The following DIAPH3 variants were observed in gnomAD, a reference collection of about 807,000 sequenced individuals.
DIAPH3 encodes the protein diaphanous related formin 3, also known as protein diaphanous homolog 3.
Under a neutral mutation model 144.3 loss-of-function variants are expected in DIAPH3, and 117 were observed. That is an observed-to-expected ratio of 0.81 (90% CI 0.70 to 0.95). The LOEUF (loss-of-function observed/expected upper bound fraction) is 0.95. Among genes scored for constraint, DIAPH3 ranks in the 40% least tolerant of loss-of-function variants. The pLI is 0.00. For synonymous variants in DIAPH3, 519 were observed against 488.9 expected, an observed-to-expected ratio of 1.06 and a Z score of -0.81; for missense variants, 1,421 against 1,412.7, an observed-to-expected ratio of 1.01 and a Z score of -0.09.
intron 2 of DIAPH3, among the ~76,000 whole-genome samples, chr13:60,131,674 C>T (rs2059146786): frequency 6.6e-6 from 1 of 152,060 alleles, no homozygotes; most frequent in Non-Finnish European, 1.5e-5. Context: ...ATGAACATGA[C>T]GTTTCTTTTA....
chr13:60,010,591 T>C lies in DIAPH3; in HGVS notation c.850A>G (p.Met284Val). Residue 284 changes from methionine to valine, a missense_variant, in exon 8 of 28, where the codon ATG (methionine) becomes GTG (valine). By Grantham distance (21) the Met-to-Val change is conservative. Coordinates refer to ENST00000400324, the MANE Select transcript of DIAPH3 (RefSeq NM_001042517.2). ...AKAVDPRHPNMMTDVVKLLSA... is the reference protein window; with the variant it reads ...AKAVDPRHPNVMTDVVKLLSA... ...AGAAGTTTAACCACATCTGTCATCA[T>C]ATTGGGGTGTCTGGGATCCACGGCT... is the stretch of plus-strand genomic sequence containing the variant. The C allele has an allele frequency of 2.5e-6, 4 of 1,613,622 alleles. No homozygotes were observed. Among genetic ancestry groups the C allele is most frequent in the Non-Finnish European group, 3.4e-6 (4 of 1,179,726 alleles).
chr13:60,093,819 T>G, intron 3 of DIAPH3, 87 bp from the exon 4 acceptor site: 1 of 865,702 alleles, frequency 1.2e-6, no homozygotes, highest in South Asian at 1.4e-5. Flanking sequence ...ATCAATAATT[T>G]GTGACTAAAG....
chr13:60,028,544 G>A (rs1473426783), intron 5 of DIAPH3, among the ~76,000 whole-genome samples: 1 of 151,920 alleles, frequency 6.6e-6, no homozygotes, highest in Non-Finnish European at 1.5e-5. Flanking sequence ...CCTATTTCTG[G>A]ACACTTTCTG....
intron 9 of DIAPH3, among the ~76,000 whole-genome samples, chr13:59,993,702 T>TAAAAAAAAAAAAAAAAAAA (rs3078724): frequency 1.2e-4 from 9 of 73,864 alleles, no homozygotes; most frequent in African/African-American, 4.2e-4. Context: ...GAAACATACT[T>TAAAAAAAAAAAAAAAAAAA]AAAAAAAAAA....
chr13:59,703,248 CAG>C (rs561174241), intron 27 of DIAPH3, among the ~76,000 whole-genome samples: 111 of 152,248 alleles, frequency 7.3e-4, no homozygotes, highest in African/African-American at 2.6e-3. Context: ...TAAAAGAAAA[CAG>C]AGTATCTGAT....
In DIAPH3 at chr13:59,833,155, A is replaced by G. The variant is rs2041867377; in HGVS notation, c.2979T>C (p.Ser993=). ...GYYAIDVKKV[S]VEDFLTDLNN... ...TCAGGTCAGTAAGAAAGTCTTCCAC[A>G]GACACCTTCTTCACATCAATGGCAT... Residue 993 remains serine, a synonymous_variant, in exon 24 of 28, where the codon TCT becomes TCC. Transcript: ENST00000400324. 1.9e-6 allele frequency: 3 copies of G among 1,610,798 alleles called. No individual in the cohort carries two copies. The highest frequency in any genetic ancestry group is 2.5e-6 in the Non-Finnish European group (3 of 1,178,112).
chr13:60,048,793 C>A (rs377619586), intron 4 of DIAPH3, among the ~76,000 whole-genome samples: 62 of 30,922 alleles, frequency 2.0e-3, no homozygotes, highest in African/African-American at 7.8e-3. Flanking sequence ...TATTACTCAG[C>A]AATTGCAGTT....
At chr13:60,043,662 T>C (rs2055855185) in intron 4 of DIAPH3, among the ~76,000 whole-genome samples, 1 of 152,206 alleles carries the variant, frequency 6.6e-6, no homozygotes, top group Non-Finnish European at 1.5e-5. Flanking sequence ...AGTTCACTCA[T>C]TATTCAACAA....
At chr13:59,685,518 T>G (rs1393063978) in intron 27 of DIAPH3, among the ~76,000 whole-genome samples, 1 of 152,130 alleles carries the variant, frequency 6.6e-6, no homozygotes, top group African/African-American at 2.4e-5. Context: ...AGGTGGTTAT[T>G]GTTTATCTCC....
intron 4 of DIAPH3, among the ~76,000 whole-genome samples, chr13:60,066,967 G>A (rs553586921): frequency 1.2e-4 from 18 of 152,188 alleles, no homozygotes; most frequent in Admixed American, 8.5e-4. Context: ...ATTGGTATTC[G>A]AAATTATATT....
At chr13:59,870,482 T>C (rs138248637) in intron 21 of DIAPH3, among the ~76,000 whole-genome samples, 2,590 of 152,176 alleles carry the variant, frequency 0.017, 65 homozygotes, top group East Asian at 0.098. Flanking sequence ...CATACAAACT[T>C]TGAAATCATT....
At chr13:60,051,960 GGCTT>G (rs1191723454) in intron 4 of DIAPH3, among the ~76,000 whole-genome samples, 1 of 152,138 alleles carries the variant, frequency 6.6e-6, no homozygotes, top group Non-Finnish European at 1.5e-5. Context: ...CACTGTTAAG[GGCTT>G]GCTTATTAAC....
At chr13:60,090,679 T>A (rs1484531544) in intron 4 of DIAPH3, among the ~76,000 whole-genome samples, 1 of 152,198 alleles carries the variant, frequency 6.6e-6, no homozygotes, top group Non-Finnish European at 1.5e-5. Context: ...TAAAGTGGCA[T>A]GACAAAGTCT....
At chr13:59,940,447 C>G (rs1431097904) in intron 17 of DIAPH3, among the ~76,000 whole-genome samples, 3 of 152,114 alleles carry the variant, frequency 2.0e-5, no homozygotes, top group Admixed American at 6.6e-5. Flanking sequence ...CAGAACAGAA[C>G]AATACTAAAC....
At chr13:59,882,632 CTGAA>C (rs373446039) in intron 20 of DIAPH3, among the ~76,000 whole-genome samples, 14 of 152,118 alleles carry the variant, frequency 9.2e-5, no homozygotes, top group African/African-American at 2.7e-4. Context: ...AAATAATACT[CTGAA>C]TGGCAACAGA....
At chr13:59,861,107 G>T in intron 22 of DIAPH3, 1 of 792,916 alleles carries the variant, frequency 1.3e-6, no homozygotes, top group Non-Finnish European at 1.9e-6. Context: ...GCATCACCCT[G>T]GCCAAAAAGT....
intron 22 of DIAPH3, among the ~76,000 whole-genome samples, chr13:59,843,575 C>T (rs1301139485): frequency 2.0e-5 from 3 of 152,212 alleles, no homozygotes; most frequent in East Asian, 3.8e-4. Context: ...ACCTCACAGA[C>T]ATTTCATAAA....
intron 25 of DIAPH3, among the ~76,000 whole-genome samples, chr13:59,777,322 G>A (rs1172651322): frequency 6.6e-6 from 1 of 151,826 alleles, no homozygotes; most frequent in African/African-American, 2.4e-5. Context: ...TGCACACTGA[G>A]GAAAAAAGAA....
intron 4 of DIAPH3, among the ~76,000 whole-genome samples, chr13:60,058,266 T>C (rs1030087025): frequency 5.3e-5 from 8 of 150,888 alleles, no homozygotes; most frequent in Non-Finnish European, 7.4e-5. Flanking sequence ...CAAAAGAAGA[T>C]ATAAATGGAC....
Sources: gnomAD v4.1 joint callset for allele counts (sites outside exome capture counted in the v4.1 genomes callset) on GRCh38, gnomAD v4.1.1 for gene constraint, MANE v1.5 for transcripts, NCBI Gene and HGNC (gene_info 2026-07-23, HGNC 2026-07-21) for gene names.